KALRN: variants seen among roughly 807,000 people sequenced by gnomAD.
KALRN encodes the protein kalirin RhoGEF kinase, also known as kalirin.
Under a neutral mutation model 353.7 loss-of-function variants are expected in KALRN, and 70 were observed. That is an observed-to-expected ratio of 0.20 (90% confidence interval 0.16 to 0.24). The LOEUF is 0.24. Among genes scored for constraint, KALRN ranks in the 10% least tolerant of loss-of-function variants. The pLI is 1.00. For missense variants in KALRN, 2,791 were observed against 3,756.7 expected, an observed-to-expected ratio of 0.74 and a Z score of 6.72; for synonymous variants, 1,391 against 1,434.8, an observed-to-expected ratio of 0.97 and a Z score of 0.69.
At chr3:124,131,052 C>G (rs140970063) in intron 1 of KALRN, among the ~76,000 whole-genome samples, 2 of 152,138 alleles carry the variant, frequency 1.3e-5, no homozygotes, top group African/African-American at 4.8e-5. Context: ...TGCAGAAATT[C>G]ACCCAGCTGT....
intron 37 of KALRN, among the ~76,000 whole-genome samples, chr3:124,640,538 C>A (rs1316612009): frequency 6.6e-6 from 1 of 152,092 alleles, no homozygotes; most frequent in Non-Finnish European, 1.5e-5. Flanking sequence ...CCCACCTCAG[C>A]CTCCCAAAAT....
chr3:124,034,838 A>G (rs1316463), intron 1 of KALRN, among the ~76,000 whole-genome samples: 23,327 of 152,056 alleles, frequency 0.15, 2,592 homozygotes, highest in African/African-American at 0.32. Flanking sequence ...GGCCCCATGC[A>G]TCTGCTCTCC....
At chr3:124,043,794 T>A (rs1463111413) in intron 1 of KALRN, among the ~76,000 whole-genome samples, 1 of 152,118 alleles carries the variant, frequency 6.6e-6, no homozygotes, top group Non-Finnish European at 1.5e-5. Flanking sequence ...TGGCTTTCTT[T>A]TGCAAGCCGA....
At chr3:124,220,040 G>T (rs1299062434) in intron 1 of KALRN, among the ~76,000 whole-genome samples, 2 of 151,956 alleles carry the variant, frequency 1.3e-5, no homozygotes, top group Non-Finnish European at 2.9e-5. Context: ...TGCCTCCCGG[G>T]TTCAAGCACT....
chr3:124,592,417 C>G (rs1056651971), intron 34 of KALRN, among the ~76,000 whole-genome samples: 2 of 151,898 alleles, frequency 1.3e-5, no homozygotes, highest in Non-Finnish European at 2.9e-5. Context: ...GAATAGCAAC[C>G]CGATTTTTGA....
At chr3:124,046,041 A>C (rs1303034034) in intron 1 of KALRN, among the ~76,000 whole-genome samples, 1 of 152,212 alleles carries the variant, frequency 6.6e-6, no homozygotes, top group East Asian at 1.9e-4. Context: ...CTGCTTCTAG[A>C]CCATAGGTGT....
At chr3:124,217,799 T>C (rs1379746532) in intron 1 of KALRN, among the ~76,000 whole-genome samples, 3 of 152,170 alleles carry the variant, frequency 2.0e-5, no homozygotes, top group African/African-American at 7.2e-5. Flanking sequence ...AAATGACCTT[T>C]GGATGTGTCC....
chr3:124,535,811 G>T (rs1335646086), intron 33 of KALRN, among the ~76,000 whole-genome samples: 2 of 152,198 alleles, frequency 1.3e-5, no homozygotes, highest in Admixed American at 6.5e-5. Context: ...ACAGATAACT[G>T]CAGGTAAGCG....
At chr3:124,312,264 G>A (rs557698826) in intron 6 of KALRN, among the ~76,000 whole-genome samples, 39 of 152,252 alleles carry the variant, frequency 2.6e-4, no homozygotes, top group African/African-American at 9.1e-4. Context: ...GGGTTCAAGT[G>A]ATTCTTATGC....
intron 34 of KALRN, among the ~76,000 whole-genome samples, chr3:124,629,160 A>G (rs2080448733): frequency 1.3e-5 from 2 of 152,158 alleles, no homozygotes; most frequent in Non-Finnish European, 1.5e-5. Context: ...TATTCTCCCA[A>G]GATCATGGTG....
At chr3:124,180,738 GCT>G (rs2073453306) in intron 1 of KALRN, among the ~76,000 whole-genome samples, 1 of 152,058 alleles carries the variant, frequency 6.6e-6, no homozygotes, top group East Asian at 1.9e-4. Context: ...CCCTGCCCTG[GCT>G]CTCTTTTCCC....
At chr3:124,417,405 C>T (rs187442819) in intron 14 of KALRN, among the ~76,000 whole-genome samples, 27 of 152,278 alleles carry the variant, frequency 1.8e-4, no homozygotes, top group African/African-American at 5.3e-4. Flanking sequence ...TCTGACCGTG[C>T]GACTGTTACA....
chr3:124,286,390 T>C (rs1199934405), intron 5 of KALRN, among the ~76,000 whole-genome samples: 1 of 151,728 alleles, frequency 6.6e-6, no homozygotes, highest in East Asian at 1.9e-4. Flanking sequence ...TAGCTGGAAT[T>C]ACAGGCGCCT....
At chr3:124,560,548 T>A (rs184230351) in intron 33 of KALRN, among the ~76,000 whole-genome samples, 27 of 152,360 alleles carry the variant, frequency 1.8e-4, no homozygotes, top group African/African-American at 6.5e-4. Flanking sequence ...TCTATTCACA[T>A]GTAGTGTTCC....
intron 33 of KALRN, among the ~76,000 whole-genome samples, chr3:124,512,455 G>C (rs971076834): frequency 3.9e-4 from 59 of 152,152 alleles, no homozygotes; most frequent in Non-Finnish European, 8.4e-4. Flanking sequence ...TTTGAGACCA[G>C]CCTGGCCAAC....
chr3:124,146,657 C>T (rs1219865089), intron 1 of KALRN, among the ~76,000 whole-genome samples: 1 of 152,026 alleles, frequency 6.6e-6, no homozygotes, highest in Non-Finnish European at 1.5e-5. Context: ...GCAGGCAGAT[C>T]ACTTGAGGCC....
chr3:124,347,642 A>C (rs2082412441), intron 10 of KALRN, among the ~76,000 whole-genome samples: 1 of 152,088 alleles, frequency 6.6e-6, no homozygotes, highest in Non-Finnish European at 1.5e-5. Context: ...GAATGACATT[A>C]TTAGATTCCT....
intron 33 of KALRN, among the ~76,000 whole-genome samples, chr3:124,531,532 T>C (rs192367422): frequency 6.6e-6 from 1 of 152,296 alleles, no homozygotes; most frequent in East Asian, 1.9e-4. Context: ...GAAGTTTAAT[T>C]GGCTCGTGGT....
Position 124,456,650 on chromosome 3 carries a change from T to C in KALRN, c.3776T>C (p.Leu1259Pro). ...GAGCTGGATATTATCCCAGCAAGCC[T>C]TTCGGATCGGGAGGTCAAGCTGCGG... ...DLELDIIPAS[L>P]SDREVKLRDA... The change falls in exon 23 of 60, where the codon CTT becomes CCT. Residue 1259 changes from leucine to proline, a missense_variant. Transcript: ENST00000682506. 6.2e-7 allele frequency: 1 copy of C among 1,613,250 alleles called. No individual in the cohort carries two copies. Among genetic ancestry groups the C allele is most frequent in the Non-Finnish European group, 8.5e-7 (1 of 1,179,472 alleles).
Sources: gnomAD v4.1 joint callset for allele counts (sites outside exome capture counted in the v4.1 genomes callset) on GRCh38, gnomAD v4.1.1 for gene constraint, MANE v1.5 for transcripts, NCBI Gene and HGNC (gene_info 2026-07-23, HGNC 2026-07-21) for gene names.